The following RIT2 variants were observed in gnomAD, a reference collection of about 807,000 sequenced individuals.
RIT2 encodes GTP-binding protein Rit2.
Under a neutral mutation model 23.7 loss-of-function variants are expected in RIT2, and 24 were observed. That is an observed-to-expected ratio of 1.01 (90% CI 0.73 to 1.43). The LOEUF (loss-of-function observed/expected upper bound fraction) is 1.43, where lower values mean the gene tolerates loss of function less well. Among genes scored for constraint, RIT2 ranks in the 40% most tolerant of loss-of-function variants. The pLI is 0.00. For missense variants in RIT2, 236 were observed against 266.9 expected (o/e 0.88, Z 0.81); for synonymous variants, 107 against 91.1 (o/e 1.17, Z -0.99).
intron 4 of RIT2, among the ~76,000 whole-genome samples, chr18:42,794,021 C>T (rs928633274): frequency 3.3e-5 from 5 of 151,706 alleles, no homozygotes; most frequent in African/African-American, 9.7e-5. Flanking sequence ...CTGAGACTGT[C>T]GTATACTTAA....
intron 4 of RIT2, among the ~76,000 whole-genome samples, chr18:42,808,801 G>A (rs1179485852): frequency 6.6e-6 from 1 of 152,002 alleles, no homozygotes; most frequent in Admixed American, 6.6e-5. Context: ...CTCAATAAAA[G>A]ATCTTAGCTC....
chr18:42,966,617 T>C (rs1382458377), intron 3 of RIT2, among the ~76,000 whole-genome samples: 2 of 149,360 alleles, frequency 1.3e-5, no homozygotes, highest in Non-Finnish European at 1.5e-5. Flanking sequence ...TGATAAAATA[T>C]GTAGTGAAGA....
In RIT2 at chr18:43,004,723, CACT is replaced by C. The variant is rs1293189366; in HGVS notation, c.160+29085_160+29087del. The stretch of plus-strand genomic sequence containing the variant: ...CTTCCTCCTCTTCTATGAGACCATT[CACT>C]ACAACAAAGTAATAATTGCCCTTTG... On this transcript the variant is annotated intron_variant, in intron 2 of 4. Coordinates refer to ENST00000326695, the MANE Select transcript of RIT2 (RefSeq NM_002930.4). Among the ~76,000 whole-genome samples, 6 of 151,972 alleles carry C rather than the reference CACT, an allele frequency of 3.9e-5. No individual in the cohort carries two copies. The East Asian group carries it at 1.2e-3, about 30-fold the overall frequency.
intron 4 of RIT2, among the ~76,000 whole-genome samples, chr18:42,754,473 C>CT (rs1156305819): frequency 6.6e-6 from 1 of 152,086 alleles, no homozygotes; most frequent in Non-Finnish European, 1.5e-5. Context: ...TTGCGTATTG[C>CT]TTTTTTTCCC....
chr18:42,926,495 A>G (rs1479482858), intron 3 of RIT2, among the ~76,000 whole-genome samples: 5 of 151,978 alleles, frequency 3.3e-5, no homozygotes, highest in Admixed American at 1.3e-4. Context: ...TATGTGAGAC[A>G]TAAGAAAAAG....
intron 4 of RIT2, among the ~76,000 whole-genome samples, chr18:42,767,025 G>C (rs540760336): frequency 6.6e-6 from 1 of 152,202 alleles, no homozygotes; most frequent in South Asian, 2.1e-4. Context: ...TTTGCTGCAG[G>C]GCAGGTCCCT....
chr18:42,807,825 G>A (rs1423369227), intron 4 of RIT2, among the ~76,000 whole-genome samples: 2 of 146,150 alleles, frequency 1.4e-5, no homozygotes, highest in African/African-American at 5.0e-5. Context: ...GTGTGTGTGT[G>A]TAATCTGAAG....
intron 2 of RIT2, among the ~76,000 whole-genome samples, chr18:43,028,189 T>A (rs1255904652): frequency 6.6e-6 from 1 of 152,080 alleles, no homozygotes; most frequent in Non-Finnish European, 1.5e-5. Context: ...TGTGTATGTG[T>A]CTGTATGTAT....
At chr18:42,959,171 TGTAGGCTTTTAATAAAA>T (rs1001334303) in intron 3 of RIT2, among the ~76,000 whole-genome samples, 2 of 152,218 alleles carry the variant, frequency 1.3e-5, no homozygotes, top group African/African-American at 4.8e-5. Context: ...ATGTAAACAT[TGTAGGCTTTTAATAAAA>T]GTTTACTGAC....
intron 4 of RIT2, among the ~76,000 whole-genome samples, chr18:42,824,614 G>T (rs1407939219): frequency 1.3e-5 from 2 of 151,974 alleles, no homozygotes; most frequent in African/African-American, 4.8e-5. Context: ...TTATAAATCA[G>T]ATAATTTTAT....
At chr18:43,078,403 C>T (rs1913074611) in intron 1 of RIT2, among the ~76,000 whole-genome samples, 1 of 152,194 alleles carries the variant, frequency 6.6e-6, no homozygotes, top group South Asian at 2.1e-4. Flanking sequence ...CTTCCAGGTA[C>T]AGCTAAATTC....
chr18:42,882,761 T>C (rs1042407213), intron 4 of RIT2, among the ~76,000 whole-genome samples: 1 of 152,182 alleles, frequency 6.6e-6, no homozygotes, highest in Admixed American at 6.5e-5. Context: ...CACAGTCTAA[T>C]GTTAAGAATG....
chr18:43,006,182 C>A (rs1447555360), intron 2 of RIT2, among the ~76,000 whole-genome samples: 1 of 151,494 alleles, frequency 6.6e-6, no homozygotes, highest in African/African-American at 2.4e-5. Flanking sequence ...TATAGTAGTA[C>A]AATTTTTAAG....
chr18:42,795,586 C>A (rs1598657154), intron 4 of RIT2, among the ~76,000 whole-genome samples: 3 of 152,360 alleles, frequency 2.0e-5, no homozygotes, highest in Middle Eastern at 3.4e-3. Context: ...GCGCCCAGTC[C>A]CATCGACCAC....
chr18:43,097,212 A>G lies in RIT2; in HGVS notation c.103+18205T>C, dbSNP rs969036122. 4.0e-5 allele frequency among the ~76,000 whole-genome samples: 6 copies of G among 151,860 alleles called. No individual in the cohort carries two copies. The East Asian group carries it at 7.7e-4, about 20-fold the overall frequency. On this transcript the variant is annotated intron_variant, in intron 1 of 4. Transcript: ENST00000326695. ...TGTAGATCTGAAATGTGGTGTGAGC[A>G]TTTGTATTTCTAACAGGTTCCCAGA...
intron 3 of RIT2, among the ~76,000 whole-genome samples, chr18:42,936,998 GC>G (rs1453287547): frequency 6.8e-6 from 1 of 147,742 alleles, no homozygotes; most frequent in African/African-American, 2.5e-5. Context: ...GGCAACAAGA[GC>G]AAAACTCAAC....
At chr18:42,880,300 T>C (rs1907853742) in intron 4 of RIT2, among the ~76,000 whole-genome samples, 1 of 152,178 alleles carries the variant, frequency 6.6e-6, no homozygotes, top group African/African-American at 2.4e-5. Flanking sequence ...AATTTCTTTC[T>C]CAGTTTTCTC....
intron 1 of RIT2, among the ~76,000 whole-genome samples, chr18:43,051,718 A>G (rs868572679): frequency 7.9e-5 from 12 of 152,274 alleles, no homozygotes; most frequent in African/African-American, 2.9e-4. Flanking sequence ...AGTACTTGCT[A>G]TATGCATTGC....
chr18:42,774,862 A>G (rs12953484), intron 4 of RIT2, among the ~76,000 whole-genome samples: 2 of 152,262 alleles, frequency 1.3e-5, no homozygotes, highest in African/African-American at 4.8e-5. Context: ...CATGAGCACG[A>G]CCATGACCAC....
Sources: allele counts gnomAD v4.1 joint callset (sites outside exome capture counted in the v4.1 genomes callset), GRCh38; gene constraint gnomAD v4.1.1; transcripts MANE v1.5; gene names NCBI Gene and HGNC (gene_info 2026-07-23, HGNC 2026-07-21).